The following GMDS variants were observed in gnomAD, a reference collection of about 807,000 sequenced individuals.
GMDS encodes the protein GDP-mannose 4,6 dehydratase.
A neutral mutation model predicts 49.9 loss-of-function variants in GMDS; 20 were observed. The ratio of observed to expected loss-of-function variants is 0.40; its 90% CI spans 0.28 to 0.58. GMDS has a LOEUF of 0.58. Ranked by LOEUF, GMDS falls within the 20% of genes least tolerant of loss-of-function variation. The pLI, the probability that GMDS is intolerant of heterozygous loss-of-function variation, is 0.42. For missense variants in GMDS, 362 were observed against 481.4 expected (o/e 0.75, Z 2.32); for synonymous variants, 177 against 178.6 (o/e 0.99, Z 0.07).
chr6:1,862,493 T>C (rs969328491), intron 7 of GMDS, among the ~76,000 whole-genome samples: 1 of 152,144 alleles, frequency 6.6e-6, no homozygotes, highest in African/African-American at 2.4e-5. Context: ...CTGCTGAATA[T>C]ACCAAGTGTG....
intron 9 of GMDS, among the ~76,000 whole-genome samples, chr6:1,691,356 CG>C (rs1278096522): frequency 6.9e-6 from 1 of 144,378 alleles, no homozygotes; most frequent in African/African-American, 2.5e-5. Flanking sequence ...GGGCCTGTTG[CG>C]GGGGGTGTGG....
At chr6:1,761,284 G>C (rs760212120) in intron 7 of GMDS, among the ~76,000 whole-genome samples, 7 of 152,144 alleles carry the variant, frequency 4.6e-5, no homozygotes, top group Non-Finnish European at 8.8e-5. Context: ...AGTAGAAAAA[G>C]CCTACAATGA....
chr6:2,027,965 T>A (rs1200144582), intron 4 of GMDS, among the ~76,000 whole-genome samples: 3 of 152,134 alleles, frequency 2.0e-5, no homozygotes, highest in Non-Finnish European at 4.4e-5. Context: ...AATTCTAGTG[T>A]CTATAGTTCT....
At chr6:1,804,320 G>A (rs1450812178) in intron 7 of GMDS, among the ~76,000 whole-genome samples, 4 of 152,358 alleles carry the variant, frequency 2.6e-5, no homozygotes, top group South Asian at 4.1e-4. Flanking sequence ...TAAAGAGGCC[G>A]TGGAAGCCAT....
chr6:1,721,436 G>A (rs932605578), intron 9 of GMDS, among the ~76,000 whole-genome samples: 1 of 151,730 alleles, frequency 6.6e-6, no homozygotes, highest in Non-Finnish European at 1.5e-5. Context: ...ACAATGGGAA[G>A]AAAAAGAAAA....
At chr6:1,913,730 G>A (rs577583645) in intron 7 of GMDS, among the ~76,000 whole-genome samples, 5 of 152,306 alleles carry the variant, frequency 3.3e-5, no homozygotes, top group East Asian at 1.9e-4. Context: ...AACCACAGGG[G>A]TGGCCCTGCT....
intron 7 of GMDS, among the ~76,000 whole-genome samples, chr6:1,864,676 C>T (rs79982534): frequency 1.3e-5 from 2 of 152,154 alleles, no homozygotes; most frequent in Non-Finnish European, 2.9e-5. Context: ...ACCTTTTTAA[C>T]ACCACTTAAA....
intron 1 of GMDS, among the ~76,000 whole-genome samples, chr6:2,175,162 A>AT (rs1778212307): frequency 6.6e-6 from 1 of 152,184 alleles, no homozygotes; most frequent in Non-Finnish European, 1.5e-5. Context: ...AAATAATCAC[A>AT]TTTTTGCTTC....
intron 8 of GMDS, among the ~76,000 whole-genome samples, chr6:1,732,233 A>C (rs1766840316): frequency 6.6e-6 from 1 of 152,196 alleles, no homozygotes; most frequent in South Asian, 2.1e-4. Flanking sequence ...AGGCTGAGGC[A>C]GGAGAATCGC....
At chr6:1,981,797 T>C (rs901047890) in intron 4 of GMDS, among the ~76,000 whole-genome samples, 1 of 152,192 alleles carries the variant, frequency 6.6e-6, no homozygotes, top group African/African-American at 2.4e-5. Flanking sequence ...AAACCGAATC[T>C]GGCAGCACAT....
chr6:1,663,409 A>C (rs552369725), intron 9 of GMDS, among the ~76,000 whole-genome samples: 1 of 152,340 alleles, frequency 6.6e-6, no homozygotes, highest in South Asian at 2.1e-4. Flanking sequence ...GAAACGTCCC[A>C]AAGTTCCCTA....
intron 6 of GMDS, among the ~76,000 whole-genome samples, chr6:1,934,515 A>G (rs1401664031): frequency 6.6e-6 from 1 of 152,184 alleles, no homozygotes; most frequent in East Asian, 1.9e-4. Context: ...TGAATATAGG[A>G]TGTCTTTCTC....
At chr6:2,158,721 A>T (rs1240736089) in intron 1 of GMDS, among the ~76,000 whole-genome samples, 1 of 152,208 alleles carries the variant, frequency 6.6e-6, no homozygotes, top group Non-Finnish European at 1.5e-5. Flanking sequence ...TAGGATGGGG[A>T]CTTAGCGAAT....
chr6:1,681,975 G>A (rs554521022), intron 9 of GMDS, among the ~76,000 whole-genome samples: 10 of 152,014 alleles, frequency 6.6e-5, no homozygotes, highest in South Asian at 6.2e-4. Context: ...GATTACAGGC[G>A]TGAACCACTG....
intron 7 of GMDS, among the ~76,000 whole-genome samples, chr6:1,888,814 T>C (rs1349227186): frequency 1.3e-5 from 2 of 152,186 alleles, no homozygotes; most frequent in Non-Finnish European, 2.9e-5. Flanking sequence ...TGGGTAAATG[T>C]TCCCATTCTA....
chr6:1,819,719 C>T (rs901204798), intron 7 of GMDS, among the ~76,000 whole-genome samples: 7 of 147,144 alleles, frequency 4.8e-5, no homozygotes, highest in African/African-American at 1.8e-4. Context: ...TGAGATCATG[C>T]CACTGCACTC....
chr6:2,187,205 C>T lies in GMDS; in HGVS notation c.102+58116G>A, dbSNP rs181673390. Among the ~76,000 whole-genome samples the T allele has an allele frequency of 1.4e-3, 211 of 152,310 alleles. 2 individuals are homozygous for T. Among genetic ancestry groups the T allele is most frequent in the African/African-American group, 4.6e-3 (191 of 41,574 alleles). ...GTCTCAGGCTGGTGTGCAGGTAAAG[C>T]GTTCCTGTCTCAGGCCAAGGAGTGG... is the stretch of plus-strand genomic sequence containing the variant. On this transcript the variant is annotated intron_variant, in intron 1 of 10. Coordinates refer to ENST00000380815, the MANE Select transcript of GMDS (RefSeq NM_001500.4).
At chr6:1,795,493 C>A (rs1334992174) in intron 7 of GMDS, among the ~76,000 whole-genome samples, 1 of 152,098 alleles carries the variant, frequency 6.6e-6, no homozygotes. Context: ...TCTCTTAAAT[C>A]ATTTATTAGG....
intron 4 of GMDS, among the ~76,000 whole-genome samples, chr6:2,076,122 G>C (rs932169591): frequency 6.6e-5 from 10 of 152,036 alleles, no homozygotes; most frequent in Non-Finnish European, 1.0e-4. Context: ...TTCTAAATTT[G>C]TCTGAGTTCT....
Sources: allele counts gnomAD v4.1 joint callset (sites outside exome capture counted in the v4.1 genomes callset), GRCh38; gene constraint gnomAD v4.1.1; transcripts MANE v1.5; gene names NCBI Gene and HGNC (gene_info 2026-07-23, HGNC 2026-07-21).